CLASP2: variants seen among roughly 807,000 people sequenced by gnomAD.
CLASP2 encodes the protein CLIP-associating protein 2.
A neutral mutation model predicts 194.4 loss-of-function variants in CLASP2; 47 were observed. The ratio of observed to expected loss-of-function variants is 0.24; its 90% confidence interval spans 0.19 to 0.31. CLASP2 has a LOEUF of 0.31. Among genes scored for constraint, CLASP2 ranks in the 10% least tolerant of loss-of-function variants. The probability of loss-of-function intolerance (pLI) is 1.00; values close to 1 mark genes in which losing one functional copy is unlikely to be tolerated. For synonymous variants in CLASP2, 619 were observed against 633.5 expected (o/e 0.98, Z 0.34); for missense variants, 1,445 against 1,823.6 (o/e 0.79, Z 3.78).
chr3:33,595,252 T>C (rs2069947658), intron 19 of CLASP2, among the ~76,000 whole-genome samples: 1 of 152,080 alleles, frequency 6.6e-6, no homozygotes, highest in Non-Finnish European at 1.5e-5. Context: ...TTTGAAATGG[T>C]ATAAAAAATT....
chr3:33,587,135 T>A (rs2067577447), intron 21 of CLASP2, among the ~76,000 whole-genome samples: 1 of 151,186 alleles, frequency 6.6e-6, no homozygotes, highest in Admixed American at 6.6e-5. Context: ...TTTTCTTTCT[T>A]TTTTTTTTGA....
intron 6 of CLASP2, among the ~76,000 whole-genome samples, chr3:33,669,324 T>C (rs1225683298): frequency 6.6e-6 from 1 of 152,050 alleles, no homozygotes; most frequent in Non-Finnish European, 1.5e-5. Flanking sequence ...GTTAAGACAA[T>C]TACATACAAG....
chr3:33,539,917 AAT>A (rs2058050555), intron 32 of CLASP2, among the ~76,000 whole-genome samples: 3 of 51,026 alleles, frequency 5.9e-5, no homozygotes, highest in African/African-American at 2.4e-4. Context: ...TACTGAATAT[AAT>A]TTTTTTTTTT....
chr3:33,651,400 A>C (rs1047937511), intron 7 of CLASP2, among the ~76,000 whole-genome samples: 5 of 151,674 alleles, frequency 3.3e-5, no homozygotes, highest in African/African-American at 4.8e-5. Context: ...AAAAAAAAAA[A>C]AAAACCCAGA....
chr3:33,521,360 G>A (rs1320443120), intron 34 of CLASP2, among the ~76,000 whole-genome samples: 1 of 152,088 alleles, frequency 6.6e-6, no homozygotes, highest in Non-Finnish European at 1.5e-5. Context: ...AGTCTGGTAA[G>A]CCCCACCATA....
chr3:33,515,955 T>C, intron 36 of CLASP2, 68 bp downstream of exon 36: 1 of 1,467,502 alleles, frequency 6.8e-7, no homozygotes, highest in Admixed American at 2.3e-5. Context: ...AGGCTACATT[T>C]TACACAATGG....
At chr3:33,612,150 G>A in intron 12 of CLASP2, 79 bp from the exon 13 acceptor site, 1 of 860,708 alleles carries the variant, frequency 1.2e-6, no homozygotes, top group South Asian at 1.5e-5. Flanking sequence ...TTACATTCAA[G>A]TATTTAGTTA....
chr3:33,579,682 G>A (rs1028575604), intron 23 of CLASP2, among the ~76,000 whole-genome samples: 7 of 152,262 alleles, frequency 4.6e-5, no homozygotes, highest in Middle Eastern at 3.4e-3. Context: ...ACTGCCTTGA[G>A]GGAGTTTTTC....
chr3:33,626,464 C>A (rs2078066916), intron 10 of CLASP2, among the ~76,000 whole-genome samples: 1 of 151,944 alleles, frequency 6.6e-6, no homozygotes, highest in African/African-American at 2.4e-5. Context: ...GGGATTTAGA[C>A]CAAATCAAAT....
At chr3:33,655,235 G>A (rs1358748600) in intron 7 of CLASP2, among the ~76,000 whole-genome samples, 1 of 152,076 alleles carries the variant, frequency 6.6e-6, no homozygotes, top group Non-Finnish European at 1.5e-5. Flanking sequence ...GAAGATTCAA[G>A]TTTATTAGCA....
Position 33,576,172 on chromosome 3 carries a change from G to T in CLASP2, c.2451C>A (p.Ala817=). Reference sequence around the variant, plus strand: ...ATAAGAAAATGGAGAAGAGTACCAAGGCATCTGCCACCGCCTCCTCCACAT... The same window carrying T: ...ATAAGAAAATGGAGAAGAGTACCAATGCATCTGCCACCGCCTCCTCCACAT... The part of the protein sequence containing the change: ...GSDVEEAVAD[A]LKKPARRRYE... Residue 817 remains alanine (A), a synonymous_variant, in exon 24 of 39, where the codon GCC becomes GCA. Transcript: ENST00000682230. 6.2e-7 allele frequency: 1 copy of T among 1,611,916 alleles called. No homozygotes were observed. The highest frequency in any genetic ancestry group is 1.1e-5 in the South Asian group (1 of 91,000).
intron 6 of CLASP2, among the ~76,000 whole-genome samples, chr3:33,664,780 G>A (rs2085895469): frequency 1.3e-5 from 2 of 152,150 alleles, no homozygotes; most frequent in Admixed American, 1.3e-4. Flanking sequence ...TAAGATAGAA[G>A]GAAGCATTGG....
rs1179053102 is a variant in CLASP2 at position 33,496,464 on chromosome 3, T to C, written c.*2167A>G. ...ATTTAAATAATCAGCTTTCTTATAG[T>C]CTTATCAACTGAGATTATAAAATTG... is the stretch of plus-strand genomic sequence containing the variant. On this transcript the variant is annotated 3_prime_UTR_variant, in exon 39 of 39. Coordinates refer to ENST00000682230, the MANE Select transcript of CLASP2 (RefSeq NM_001365631.1). 6.6e-6 allele frequency: 1 copy of C among 152,194 alleles called. No individual in the cohort carries two copies. Among genetic ancestry groups the C allele is most frequent in the East Asian group, 1.9e-4 (1 of 5,198 alleles). 9.4% of individuals were successfully genotyped at this position (152,194 alleles called of 1,614,324 possible). A position where few individuals can be genotyped will look rare whatever the true frequency, so the allele number is the denominator to read the frequency against.
At chr3:33,516,851 A>C in intron 35 of CLASP2, 130 bp downstream of exon 35, 1 of 794,258 alleles carries the variant, frequency 1.3e-6, no homozygotes, top group Non-Finnish European at 2.0e-6. Flanking sequence ...TCACAGTGAA[A>C]AGTTCATGCA....
rs568821764 is a variant in CLASP2 at position 33,568,553 on chromosome 3, CAAAAAAAA to C, written c.2764-1827_2764-1820del. Among the ~76,000 whole-genome samples, 6 of 56,840 alleles carry C rather than the reference CAAAAAAAA, an allele frequency of 1.1e-4. No homozygotes were observed. The South Asian group carries it at 4.2e-3, about 40-fold the overall frequency. 37.3% of individuals were successfully genotyped at this position (56,840 alleles called of 152,430 possible). ...TGGGTGACAGAAAGAGATCTTGTCT[CAAAAAAAA>C]AAAAAAAAAAAAAATTACACACACA... On this transcript the variant is annotated intron_variant, in intron 26 of 38. Coordinates refer to ENST00000682230, the MANE Select transcript of CLASP2 (RefSeq NM_001365631.1).
chr3:33,516,258 A>G (rs1231881340), intron 35 of CLASP2, 107 bp from the exon 36 acceptor site: 3 of 992,674 alleles, frequency 3.0e-6, no homozygotes, highest in Admixed American at 3.0e-5. Context: ...GGAGTTGTAG[A>G]TAACTGCATA....
rs1030032965 is a variant in CLASP2, at chr3:33,497,655, G to T, written c.*976C>A. 1 of 152,492 alleles carries T rather than the reference G, an allele frequency of 6.6e-6. No individual in the cohort carries two copies. The highest frequency in any genetic ancestry group is 1.5e-5 in the Non-Finnish European group (1 of 68,012). The allele number at this position is 152,492 out of a possible 1,614,324, so 9.4% of individuals were successfully genotyped here. On this transcript the variant is annotated 3_prime_UTR_variant, in exon 39 of 39. Transcript: ENST00000682230. Reference sequence around the variant, plus strand: ...CAATTTCATGGTAAAAGGAAACCAGGTTCCACCATTTAAAGAAAAGGTGCT... The same window carrying T: ...CAATTTCATGGTAAAAGGAAACCAGTTTCCACCATTTAAAGAAAAGGTGCT...
chr3:33,680,398 T>C (rs1046477048), intron 6 of CLASP2, among the ~76,000 whole-genome samples: 5 of 152,182 alleles, frequency 3.3e-5, no homozygotes, highest in African/African-American at 9.7e-5. Flanking sequence ...TTATAACAAA[T>C]GTACCACTCT....
chr3:33,679,992 A>C (rs1272680897), intron 6 of CLASP2, among the ~76,000 whole-genome samples: 2 of 152,228 alleles, frequency 1.3e-5, no homozygotes, highest in Non-Finnish European at 2.9e-5. Context: ...GATGTCCCAC[A>C]GTAGAATGGA....
Sources: gnomAD v4.1 joint callset for allele counts (sites outside exome capture counted in the v4.1 genomes callset) on GRCh38, gnomAD v4.1.1 for gene constraint, MANE v1.5 for transcripts, NCBI Gene and HGNC (gene_info 2026-07-23, HGNC 2026-07-21) for gene names.